CRPPA: variants seen among roughly 807,000 people sequenced by gnomAD.
The protein encoded by CRPPA is CDP-L-ribitol pyrophosphorylase A, also known as D-ribitol-5-phosphate cytidylyltransferase.
A neutral mutation model predicts 52.0 loss-of-function variants in CRPPA; 43 were observed. That is an observed-to-expected ratio of 0.83 (90% CI 0.65 to 1.07). CRPPA has a LOEUF of 1.07. Ranked by LOEUF, CRPPA falls within the 50% of genes least tolerant of loss-of-function variation. CRPPA has a pLI of 0.00. For synonymous variants in CRPPA, 250 were observed against 203.5 expected, an observed-to-expected ratio of 1.23 and a Z score of -1.94; for missense variants, 629 against 551.7, an observed-to-expected ratio of 1.14 and a Z score of -1.40.
chr7:16,385,629 C>T (rs1787242994), intron 2 of CRPPA, among the ~76,000 whole-genome samples: 2 of 152,098 alleles, frequency 1.3e-5, no homozygotes, highest in South Asian at 2.1e-4. Context: ...AATGTTCAGC[C>T]TGAAGGACAT....
intron 3 of CRPPA, among the ~76,000 whole-genome samples, chr7:16,340,357 C>G (rs1785791248): frequency 6.6e-6 from 1 of 151,898 alleles, no homozygotes; most frequent in South Asian, 2.1e-4. Context: ...TGGTAAAAGA[C>G]TTATCACAAA....
intron 3 of CRPPA, among the ~76,000 whole-genome samples, chr7:16,325,141 G>A (rs1785352914): frequency 6.6e-6 from 1 of 152,140 alleles, no homozygotes; most frequent in Non-Finnish European, 1.5e-5. Context: ...TGGATGAACT[G>A]GTTGGCAAAG....
chr7:16,335,154 C>CAAA (rs60632334), intron 3 of CRPPA, among the ~76,000 whole-genome samples: 571 of 93,534 alleles, frequency 6.1e-3, no homozygotes, highest in African/African-American at 7.3e-3. Flanking sequence ...CCCATCTCTA[C>CAAA]AAAAAAAAAA....
intron 1 of CRPPA, among the ~76,000 whole-genome samples, chr7:16,417,653 C>T (rs944236874): frequency 6.6e-6 from 1 of 151,962 alleles, no homozygotes; most frequent in Non-Finnish European, 1.5e-5. Context: ...AGGGAGGGGG[C>T]AAAGGTTGAA....
At chr7:16,391,168 A>G (rs1330985598) in intron 2 of CRPPA, among the ~76,000 whole-genome samples, 1 of 152,106 alleles carries the variant, frequency 6.6e-6, no homozygotes, top group African/African-American at 2.4e-5. Context: ...AAGTTTTGGT[A>G]TTACCCACTC....
chr7:16,140,722 G>T (rs1024671947), intron 9 of CRPPA, among the ~76,000 whole-genome samples: 1 of 152,062 alleles, frequency 6.6e-6, no homozygotes, highest in Non-Finnish European at 1.5e-5. Context: ...GTTTCAATGG[G>T]TATCAAAAAT....
chr7:16,156,413 G>A (rs1783183014), intron 9 of CRPPA, among the ~76,000 whole-genome samples: 2 of 152,126 alleles, frequency 1.3e-5, no homozygotes, highest in South Asian at 4.1e-4. Context: ...ATGAGTAAAG[G>A]GAAGAAAATC....
chr7:16,337,159 C>T (rs972132149), intron 3 of CRPPA, among the ~76,000 whole-genome samples: 16 of 152,100 alleles, frequency 1.1e-4, no homozygotes, highest in South Asian at 2.1e-4. Flanking sequence ...TTCGGTCCAA[C>T]GGCAGAATAC....
chr7:16,264,449 A>G (rs1783899023), intron 6 of CRPPA, among the ~76,000 whole-genome samples: 1 of 152,248 alleles, frequency 6.6e-6, no homozygotes, highest in Non-Finnish European at 1.5e-5. Context: ...AACTAAATGC[A>G]AACATCTGTG....
At chr7:16,334,384 A>G (rs1247622431) in intron 3 of CRPPA, among the ~76,000 whole-genome samples, 2 of 152,168 alleles carry the variant, frequency 1.3e-5, no homozygotes, top group African/African-American at 4.8e-5. Flanking sequence ...GGGAATACCC[A>G]TAGAGGGAGA....
intron 3 of CRPPA, among the ~76,000 whole-genome samples, chr7:16,322,753 C>T (rs10234751): frequency 0.28 from 43,092 of 151,956 alleles, 6,126 homozygotes; most frequent in African/African-American, 0.31. Flanking sequence ...GTTCCACAAC[C>T]GTATATTGGG....
intron 6 of CRPPA, among the ~76,000 whole-genome samples, chr7:16,266,795 C>T (rs1234751640): frequency 6.6e-6 from 1 of 152,100 alleles, no homozygotes; most frequent in Non-Finnish European, 1.5e-5. Flanking sequence ...TATTATGCAT[C>T]CAAAGTTGGA....
chr7:16,173,913 T>C (rs1035412225), intron 9 of CRPPA, among the ~76,000 whole-genome samples: 3 of 152,162 alleles, frequency 2.0e-5, no homozygotes. Flanking sequence ...ATAGATGGCA[T>C]TGAAATAAGT....
intron 9 of CRPPA, among the ~76,000 whole-genome samples, chr7:16,130,077 C>T (rs890581987): frequency 1.1e-4 from 16 of 152,154 alleles, no homozygotes; most frequent in African/African-American, 3.6e-4. Flanking sequence ...TCACACCCCT[C>T]AAGAAAATCC....
intron 9 of CRPPA, among the ~76,000 whole-genome samples, chr7:16,145,467 A>G (rs1782956983): frequency 6.6e-6 from 1 of 152,220 alleles, no homozygotes. Context: ...AGAAATTAAT[A>G]AACCCTCAGT....
At chr7:16,150,619 G>C (rs1783059680) in intron 9 of CRPPA, among the ~76,000 whole-genome samples, 1 of 152,156 alleles carries the variant, frequency 6.6e-6, no homozygotes, top group African/African-American at 2.4e-5. Flanking sequence ...AAATGAGTAA[G>C]AGTTAAGCCG....
chr7:16,148,387 A>C (rs1783014139), intron 9 of CRPPA, among the ~76,000 whole-genome samples: 1 of 152,140 alleles, frequency 6.6e-6, no homozygotes. Flanking sequence ...AATAACCTAA[A>C]TGTCCTTCAA....
intron 3 of CRPPA, among the ~76,000 whole-genome samples, chr7:16,332,136 A>G (rs901033272): frequency 5.3e-5 from 8 of 152,224 alleles, no homozygotes. Context: ...AAACCATGCA[A>G]GCAGGATTGT....
At chr7:16,193,776 G>C (rs1373633924) in intron 9 of CRPPA, among the ~76,000 whole-genome samples, 1 of 151,970 alleles carries the variant, frequency 6.6e-6, no homozygotes, top group Non-Finnish European at 1.5e-5. Flanking sequence ...TGCTGAAGCG[G>C]GACAAAAATA....
Sources: allele counts gnomAD v4.1 joint callset (sites outside exome capture counted in the v4.1 genomes callset), GRCh38; gene constraint gnomAD v4.1.1; transcripts MANE v1.5; gene names NCBI Gene and HGNC (gene_info 2026-07-23, HGNC 2026-07-21).